The following CEMIP variants were observed in gnomAD, a reference collection of about 807,000 sequenced individuals.
CEMIP encodes the protein cell migration-inducing and hyaluronan-binding protein.
In CEMIP, 105 loss-of-function variants were observed where a neutral mutation model predicts 156.9. That is an observed-to-expected ratio of 0.67 (90% CI 0.57 to 0.79). The LOEUF is 0.79. CEMIP is among the 30% of genes least tolerant of loss of function. The pLI is 0.00. For synonymous variants in CEMIP, 676 were observed against 668.4 expected, an observed-to-expected ratio of 1.01 and a Z score of -0.17; for missense variants, 1,457 against 1,769.4, an observed-to-expected ratio of 0.82 and a Z score of 3.17.
chr15:80,848,386 G>C (rs150359967), intron 1 of CEMIP, among the ~76,000 whole-genome samples: 2 of 152,126 alleles, frequency 1.3e-5, no homozygotes, highest in Non-Finnish European at 2.9e-5. Context: ...CTGACACCTC[G>C]GGTTGGCCTC....
chr15:80,859,082 CT>C (rs935142646), intron 1 of CEMIP, among the ~76,000 whole-genome samples: 1 of 151,990 alleles, frequency 6.6e-6, no homozygotes, highest in Non-Finnish European at 1.5e-5. Flanking sequence ...GCCAATGTCC[CT>C]TTTTTTTGAC....
At chr15:80,877,519 G>A (rs1898515133) in intron 3 of CEMIP, among the ~76,000 whole-genome samples, 1 of 152,218 alleles carries the variant, frequency 6.6e-6, no homozygotes, top group Non-Finnish European at 1.5e-5. Context: ...GAAAAAAGGA[G>A]GGCACTGGGG....
intron 1 of CEMIP, among the ~76,000 whole-genome samples, chr15:80,848,664 G>T (rs374766427): frequency 6.6e-5 from 10 of 152,292 alleles, no homozygotes; most frequent in African/African-American, 2.4e-4. Context: ...GGCACTGCCT[G>T]CCCATAGATG....
intron 1 of CEMIP, among the ~76,000 whole-genome samples, chr15:80,796,748 G>A (rs1005813639): frequency 6.6e-6 from 1 of 152,186 alleles, no homozygotes. Context: ...GCAAAACCCA[G>A]TAACTTACGC....
chr15:80,821,899 A>ACT (rs2141655396), intron 1 of CEMIP, among the ~76,000 whole-genome samples: 1 of 152,334 alleles, frequency 6.6e-6, no homozygotes, highest in Admixed American at 6.5e-5. Flanking sequence ...TCTTGGAAGC[A>ACT]CTTGAACTTT....
intron 14 of CEMIP, among the ~76,000 whole-genome samples, chr15:80,915,792 C>T (rs563849336): frequency 3.3e-5 from 5 of 152,162 alleles, no homozygotes; most frequent in South Asian, 2.1e-4. Flanking sequence ...TTTGGTTGTC[C>T]GGGTTTTTTT....
intron 1 of CEMIP, among the ~76,000 whole-genome samples, chr15:80,797,850 C>A (rs1054561991): frequency 2.6e-5 from 4 of 152,206 alleles, no homozygotes; most frequent in African/African-American, 9.7e-5. Flanking sequence ...CACTAGGAAG[C>A]AATGCCAGGC....
chr15:80,871,512 A>T (rs999509631), intron 1 of CEMIP, among the ~76,000 whole-genome samples: 8 of 152,170 alleles, frequency 5.3e-5, no homozygotes, highest in Non-Finnish European at 8.8e-5. Context: ...GTACCTGGGA[A>T]GTCTGAGGTC....
At chr15:80,922,784 C>T (rs1192616352) in intron 17 of CEMIP, among the ~76,000 whole-genome samples, 1 of 152,170 alleles carries the variant, frequency 6.6e-6, no homozygotes, top group Non-Finnish European at 1.5e-5. Context: ...TCGAGTCTGT[C>T]AAGGACTTCC....
Position 80,936,768 on chromosome 15 carries a change from C to G in CEMIP, c.3104C>G (p.Thr1035Ser). 6.2e-7 allele frequency: 1 copy of G among 1,613,762 alleles called. No individual in the cohort carries two copies. The highest frequency in any genetic ancestry group is 8.5e-7 in the Non-Finnish European group (1 of 1,179,624). ...CCTCTTTACCTGGAGGGGGCGCTCA[C>G]CAGGAGCACCCATTACCAGCAATAC... ...SHPLYLEGAL[T>S]RSTHYQQYQP... is the part of the protein sequence containing the mutation. The change falls in exon 24 of 30, where the codon ACC becomes AGC. Residue 1035 changes from threonine to serine, a missense_variant. Transcript: ENST00000394685.
At chr15:80,822,255 G>A (rs1293033004) in intron 1 of CEMIP, among the ~76,000 whole-genome samples, 25 of 152,206 alleles carry the variant, frequency 1.6e-4, no homozygotes, top group Non-Finnish European at 1.5e-5. Flanking sequence ...GGCACTCAGA[G>A]CATGGCTGTT....
At chr15:80,804,941 T>C (rs117582261) in intron 1 of CEMIP, among the ~76,000 whole-genome samples, 1,791 of 152,238 alleles carry the variant, frequency 0.012, 37 homozygotes, top group African/African-American at 0.04. Flanking sequence ...TAGCCGGGCC[T>C]GAATTTCTAG....
intron 1 of CEMIP, among the ~76,000 whole-genome samples, chr15:80,792,316 C>G (rs141337781): frequency 2.6e-5 from 4 of 152,312 alleles, no homozygotes; most frequent in South Asian, 2.1e-4. Context: ...TCTTTCTCCA[C>G]CAGTTTGCAT....
intron 1 of CEMIP, among the ~76,000 whole-genome samples, chr15:80,802,052 A>G (rs1896390453): frequency 6.6e-6 from 1 of 152,254 alleles, no homozygotes; most frequent in Non-Finnish European, 1.5e-5. Flanking sequence ...TAATGTGCAG[A>G]TGCCAAGGGA....
At chr15:80,846,168 C>T (rs1322393267) in intron 1 of CEMIP, among the ~76,000 whole-genome samples, 1 of 152,182 alleles carries the variant, frequency 6.6e-6, no homozygotes, top group African/African-American at 2.4e-5. Flanking sequence ...TTCTATCTAA[C>T]CCTTTGGCAG....
At chr15:80,810,834 AT>A in intron 1 of CEMIP, among the ~76,000 whole-genome samples, 1 of 151,834 alleles carries the variant, frequency 6.6e-6, no homozygotes, top group South Asian at 2.1e-4. Flanking sequence ...CCATCCATCC[AT>A]CCATCCATCC....
At chr15:80,848,161 C>A (rs917508564) in intron 1 of CEMIP, among the ~76,000 whole-genome samples, 3 of 152,146 alleles carry the variant, frequency 2.0e-5, no homozygotes, top group Non-Finnish European at 4.4e-5. Context: ...CTGAGAGAGA[C>A]CCCTGCAGGA....
In CEMIP at chr15:80,951,070, G is replaced by C. The variant is rs1901798913; in HGVS notation, c.*2146G>C. Reference sequence around the variant, plus strand: ...GCTTCAAAGGCCAGAGTCACAGGAAGGACTTCTTCCAGGGAGATTAGTGGT... The same window carrying C: ...GCTTCAAAGGCCAGAGTCACAGGAACGACTTCTTCCAGGGAGATTAGTGGT... On this transcript the variant is annotated 3_prime_UTR_variant, in exon 30 of 30. Coordinates refer to ENST00000394685, the MANE Select transcript of CEMIP (RefSeq NM_001293298.2). 1 of 152,660 alleles carries C rather than the reference G, an allele frequency of 6.6e-6. No individual in the cohort carries two copies. Among genetic ancestry groups the C allele is most frequent in the Admixed American group, 6.5e-5 (1 of 15,286 alleles). The allele number at this position is 152,660 out of a possible 1,614,324, so 9.5% of individuals were successfully genotyped here.
intron 14 of CEMIP, among the ~76,000 whole-genome samples, chr15:80,913,661 G>T (rs1343483970): frequency 6.6e-6 from 1 of 152,220 alleles, no homozygotes; most frequent in Non-Finnish European, 1.5e-5. Flanking sequence ...ATATTAAATA[G>T]TATTGCTTAT....
Sources: allele counts gnomAD v4.1 joint callset (sites outside exome capture counted in the v4.1 genomes callset), GRCh38; gene constraint gnomAD v4.1.1; transcripts MANE v1.5; gene names NCBI Gene and HGNC (gene_info 2026-07-23, HGNC 2026-07-21).